Variants in KLF12 observed in about 807,000 individuals in gnomAD.
KLF12 encodes the protein Krueppel-like factor 12.
KLF12 carries 9 observed loss-of-function variants against 37.8 expected under a neutral mutation model. The ratio of observed to expected loss-of-function variants is 0.24; its 90% CI spans 0.14 to 0.42. KLF12 has a LOEUF of 0.42. Among genes scored for constraint, KLF12 ranks in the 10% least tolerant of loss-of-function variants. The pLI is 1.00. For missense variants in KLF12, 411 were observed against 516.0 expected (o/e 0.80, Z 1.97); for synonymous variants, 208 against 202.1 (o/e 1.03, Z -0.25).
intron 3 of KLF12, among the ~76,000 whole-genome samples, chr13:73,859,549 G>A (rs1885806859): frequency 6.6e-6 from 1 of 152,190 alleles, no homozygotes; most frequent in Admixed American, 6.5e-5. Flanking sequence ...AATGGGCACT[G>A]CTAGGATAGT....
chr13:74,051,574 T>TG (rs2138598513), intron 1 of KLF12, among the ~76,000 whole-genome samples: 1 of 151,382 alleles, frequency 6.6e-6, no homozygotes, highest in East Asian at 1.9e-4. Context: ...CTAGTAAGAG[T>TG]GGTGGGGCAT....
At chr13:73,918,568 A>G (rs760486891) in intron 3 of KLF12, among the ~76,000 whole-genome samples, 1 of 152,220 alleles carries the variant, frequency 6.6e-6, no homozygotes, top group Non-Finnish European at 1.5e-5. Context: ...CAAGAATTTC[A>G]GACTCTGTGA....
intron 5 of KLF12, chr13:73,800,212 T>C (rs1004393110): frequency 6.6e-6 from 1 of 152,078 alleles, no homozygotes; most frequent in Non-Finnish European, 1.5e-5. Context: ...TACTCTATTA[T>C]ACTTGGCAAA....
intron 2 of KLF12, among the ~76,000 whole-genome samples, chr13:73,976,395 ACT>A (rs1219812858): frequency 6.6e-6 from 1 of 151,952 alleles, no homozygotes; most frequent in African/African-American, 2.4e-5. Context: ...TCATCCTCAC[ACT>A]CTCTCTTTCA....
At chr13:73,840,837 T>TAC (rs1369441569) in intron 4 of KLF12, among the ~76,000 whole-genome samples, 1 of 151,904 alleles carries the variant, frequency 6.6e-6, no homozygotes, top group Non-Finnish European at 1.5e-5. Context: ...TCCCTCCCCC[T>TAC]ACTTAAGCCT....
At chr13:74,153,259 A>C in the KLF12 span, among the ~76,000 whole-genome samples, 1 of 152,194 alleles carries the variant, frequency 6.6e-6, no homozygotes, top group Non-Finnish European at 1.5e-5. Context: ...AGTCAATTTA[A>C]GGTTTCAAAT....
the KLF12 span, among the ~76,000 whole-genome samples, chr13:74,209,540 AC>A: frequency 4.0e-5 from 6 of 151,840 alleles, no homozygotes; most frequent in East Asian, 3.9e-4. Flanking sequence ...ACACACACAC[AC>A]ACACACACAC....
chr13:74,119,318 C>T (rs1361531247), intron 1 of KLF12, among the ~76,000 whole-genome samples: 9 of 143,486 alleles, frequency 6.3e-5, no homozygotes, highest in East Asian at 4.4e-4. Context: ...GGTGACACAG[C>T]GAGACTCTTA....
chr13:74,016,364 T>G (rs1293836042), intron 1 of KLF12, among the ~76,000 whole-genome samples: 4 of 151,942 alleles, frequency 2.6e-5, no homozygotes, highest in African/African-American at 9.7e-5. Flanking sequence ...AGATTTGGTT[T>G]GTTTGTTTTT....
At chr13:73,781,260 A>T (rs990204242) in intron 5 of KLF12, among the ~76,000 whole-genome samples, 1 of 152,268 alleles carries the variant, frequency 6.6e-6, no homozygotes. Context: ...AGTATAGTTT[A>T]AACAACTTTT....
chr13:73,989,871 T>C (rs569939881), intron 2 of KLF12, among the ~76,000 whole-genome samples: 3 of 151,894 alleles, frequency 2.0e-5, no homozygotes, highest in Admixed American at 6.6e-5. Context: ...TTTAGACAAA[T>C]ATCTCTTCAT....
intron 1 of KLF12, among the ~76,000 whole-genome samples, chr13:74,030,310 G>A (rs1395720534): frequency 1.3e-5 from 2 of 152,084 alleles, no homozygotes; most frequent in African/African-American, 4.8e-5. Context: ...GAACAGTCAG[G>A]AAAGAAGCTG....
At chr13:73,765,048 ATTGC>A in intron 5 of KLF12, 48 bp from the exon 6 acceptor site, 1 of 1,143,380 alleles carries the variant, frequency 8.7e-7, no homozygotes, top group Admixed American at 2.2e-5. Flanking sequence ...CATATTCCCA[ATTGC>A]AAATTTAAAA....
At chr13:73,707,557 T>C (rs532124732) in intron 7 of KLF12, among the ~76,000 whole-genome samples, 83 of 152,320 alleles carry the variant, frequency 5.4e-4, no homozygotes, top group African/African-American at 1.8e-3. Flanking sequence ...TGATTTATTA[T>C]CTTGGCATCA....
At chr13:74,120,924 TAATC>T (rs1877598467) in intron 1 of KLF12, among the ~76,000 whole-genome samples, 1 of 151,938 alleles carries the variant, frequency 6.6e-6, no homozygotes, top group Non-Finnish European at 1.5e-5. Context: ...TACTAAAAAA[TAATC>T]AAGCCCAAAT....
chr13:73,997,000 C>T (rs1027897739), intron 1 of KLF12, among the ~76,000 whole-genome samples: 1 of 152,190 alleles, frequency 6.6e-6, no homozygotes, highest in African/African-American at 2.4e-5. Flanking sequence ...CATGGCTCTT[C>T]GTGGTTTGTC....
At chr13:73,961,923 A>G (rs1297896789) in intron 2 of KLF12, 3 of 432,778 alleles carry the variant, frequency 6.9e-6, no homozygotes, top group South Asian at 1.7e-5. Context: ...ACTTTGGATG[A>G]CAGTTTATTA....
Position 73,732,083 on chromosome 13 carries a change from A to AT in KLF12, c.870-16559dup, listed in dbSNP as rs35067068. Among the ~76,000 whole-genome samples, 109 of 131,324 alleles carry AT rather than the reference A, an allele frequency of 8.3e-4. 1 individual carries two copies. Among genetic ancestry groups the AT allele is most frequent in the Admixed American group, 2.0e-3 (26 of 12,990 alleles). The allele number at this position is 131,324 out of a possible 152,430, so 86.2% of individuals were successfully genotyped here. A position where few individuals can be genotyped will look rare whatever the true frequency, so the allele number is the denominator to read the frequency against. ...TGTGTTAACTGTAATTATTAACCCTATTTTTTTTTTTTTTTTTGAGAGGGA... is the reference window on the plus strand; with the variant it reads ...TGTGTTAACTGTAATTATTAACCCTATTTTTTTTTTTTTTTTTTGAGAGGGA... On this transcript the variant is annotated intron_variant, in intron 6 of 7. Transcript: ENST00000377669.
chr13:74,262,110 A>G, the KLF12 span, among the ~76,000 whole-genome samples: 3 of 152,316 alleles, frequency 2.0e-5, no homozygotes, highest in South Asian at 2.1e-4. Flanking sequence ...TAAATAATCA[A>G]CTTGCAATAA....
Sources: allele counts gnomAD v4.1 joint callset (sites outside exome capture counted in the v4.1 genomes callset), GRCh38; gene constraint gnomAD v4.1.1; transcripts MANE v1.5; gene names NCBI Gene and HGNC (gene_info 2026-07-23, HGNC 2026-07-21).